ROBO2: variants seen among roughly 807,000 people sequenced by gnomAD.
The protein encoded by ROBO2 is roundabout guidance receptor 2, also known as roundabout homolog 2.
Under a neutral mutation model 160.8 loss-of-function variants are expected in ROBO2, and 53 were observed. The observed-to-expected ratio is 0.33, with a 90% CI of 0.26 to 0.41. ROBO2 has a LOEUF of 0.41. ROBO2 is among the 10% of genes least tolerant of loss of function. The pLI, the probability that ROBO2 is intolerant of heterozygous loss-of-function variation, is 1.00. For synonymous variants in ROBO2, 664 were observed against 611.7 expected, an observed-to-expected ratio of 1.09 and a Z score of -1.26; for missense variants, 1,577 against 1,722.4, an observed-to-expected ratio of 0.92 and a Z score of 1.49.
intron 2 of ROBO2, among the ~76,000 whole-genome samples, chr3:76,048,036 T>C (rs2067508282): frequency 6.6e-6 from 1 of 152,228 alleles, no homozygotes; most frequent in Non-Finnish European, 1.5e-5. Flanking sequence ...CTTTATTGAA[T>C]GTCTGCTTGA....
At chr3:76,929,794 T>A (rs1298038694) in intron 2 of ROBO2, among the ~76,000 whole-genome samples, 3 of 151,936 alleles carry the variant, frequency 2.0e-5, no homozygotes, top group African/African-American at 7.3e-5. Flanking sequence ...TGTGTGTGGA[T>A]CTCAGAGAAG....
chr3:77,214,395 T>C (rs1260890016), intron 2 of ROBO2, among the ~76,000 whole-genome samples: 2 of 152,212 alleles, frequency 1.3e-5, no homozygotes, highest in East Asian at 3.9e-4. Flanking sequence ...GAGACTAGGA[T>C]TGCAACCCCT....
At position 77,055,002 on chromosome 3, in the gene ROBO2, CATA is replaced by C. The variant is rs1187603491; in HGVS notation, c.61+14161_61+14163del. ...TCATCAGTAATGAGATTAGAGCCCT[CATA>C]ATAAAGTCCCTACATGTTAATTGTG... is the stretch of plus-strand genomic sequence containing the variant. On this transcript the variant is annotated intron_variant, in intron 1 of 25. Transcript: ENST00000461745. 2.0e-5 allele frequency among the ~76,000 whole-genome samples: 3 copies of C among 150,374 alleles called. No homozygotes were observed. The East Asian group carries it at 6.0e-4, about 30-fold the overall frequency.
chr3:77,318,214 A>G (rs2064272393), intron 2 of ROBO2, among the ~76,000 whole-genome samples: 3 of 151,718 alleles, frequency 2.0e-5, no homozygotes, highest in Admixed American at 2.0e-4. Context: ...TTGTATTTTT[A>G]GTAGAGATGG....
chr3:77,405,251 CTGA>C (rs2076164580), intron 2 of ROBO2, among the ~76,000 whole-genome samples: 2 of 152,012 alleles, frequency 1.3e-5, no homozygotes. Context: ...GAATGTTGCA[CTGA>C]TATTTACTTA....
chr3:75,967,487 C>G (rs12493384), intron 2 of ROBO2, among the ~76,000 whole-genome samples: 18,001 of 151,376 alleles, frequency 0.12, 1,239 homozygotes, highest in Non-Finnish European at 0.15. Flanking sequence ...AGGGGTATAA[C>G]CACATACTAC....
intron 2 of ROBO2, among the ~76,000 whole-genome samples, chr3:77,033,316 T>C (rs576059158): frequency 1.3e-5 from 2 of 152,324 alleles, no homozygotes; most frequent in Non-Finnish European, 2.9e-5. Context: ...AATATTTTCC[T>C]GATGACAAGT....
intron 2 of ROBO2, among the ~76,000 whole-genome samples, chr3:76,028,771 A>G (rs1303351386): frequency 6.6e-6 from 1 of 151,982 alleles, no homozygotes; most frequent in Non-Finnish European, 1.5e-5. Flanking sequence ...TCTTAATAAC[A>G]TAAGCTACTG....
intron 2 of ROBO2, among the ~76,000 whole-genome samples, chr3:77,245,322 A>C (rs2089598784): frequency 6.6e-6 from 1 of 152,216 alleles, no homozygotes; most frequent in African/African-American, 2.4e-5. Context: ...GCATTGCTAC[A>C]TCATCTGTTC....
At chr3:76,533,527 G>A (rs935814437) in intron 2 of ROBO2, among the ~76,000 whole-genome samples, 4 of 152,108 alleles carry the variant, frequency 2.6e-5, no homozygotes, top group East Asian at 1.9e-4. Flanking sequence ...TATATCATCC[G>A]GGCATAAGCA....
intron 2 of ROBO2, among the ~76,000 whole-genome samples, chr3:77,104,927 G>C (rs4615118): frequency 0.55 from 83,720 of 151,900 alleles, 23,283 homozygotes; most frequent in African/African-American, 0.61. Flanking sequence ...ACTGTTTTCA[G>C]TTTGGTCCCA....
intron 2 of ROBO2, among the ~76,000 whole-genome samples, chr3:76,463,425 A>T (rs922680933): frequency 1.3e-5 from 2 of 152,096 alleles, no homozygotes; most frequent in Non-Finnish European, 2.9e-5. Flanking sequence ...AGCTAATCCT[A>T]GGTTCACAAT....
rs1340314195 is a variant in ROBO2, at chr3:77,156,676, T to C, written c.388+58336T>C. Among the ~76,000 whole-genome samples the C allele has an allele frequency of 1.3e-5, 2 of 151,474 alleles. 1 individual carries two copies. Among genetic ancestry groups the C allele is most frequent in the African/African-American group, 4.8e-5 (2 of 41,360 alleles). ...CTTTAGTAAAATAGTAAATAAAATA[T>C]ACTTCATTTAATTTTAACAAATTTC... On this transcript the variant is annotated intron_variant, in intron 2 of 25. Transcript: ENST00000461745.
At chr3:76,517,477 A>G (rs2081397957) in intron 2 of ROBO2, among the ~76,000 whole-genome samples, 2 of 152,174 alleles carry the variant, frequency 1.3e-5, no homozygotes, top group South Asian at 4.1e-4. Context: ...TTGAGGCCTT[A>G]GAGAAGTTAA....
intron 2 of ROBO2, among the ~76,000 whole-genome samples, chr3:77,140,939 C>A (rs908507377): frequency 2.6e-5 from 4 of 152,070 alleles, no homozygotes; most frequent in Non-Finnish European, 4.4e-5. Context: ...TTGTTTAAAT[C>A]AAAATTTTTA....
chr3:76,382,299 A>G (rs770390790), intron 2 of ROBO2, among the ~76,000 whole-genome samples: 2 of 152,056 alleles, frequency 1.3e-5, no homozygotes, highest in Non-Finnish European at 2.9e-5. Flanking sequence ...TATTGGTTAA[A>G]GCTTCTTGGC....
intron 2 of ROBO2, among the ~76,000 whole-genome samples, chr3:76,818,360 A>T (rs991400536): frequency 1.3e-5 from 2 of 149,814 alleles, no homozygotes; most frequent in East Asian, 4.0e-4. Flanking sequence ...TTTCTTGATG[A>T]TTTGTTTGTG....
At chr3:77,642,352 G>A (rs534054256) in intron 24 of ROBO2, among the ~76,000 whole-genome samples, 20 of 152,152 alleles carry the variant, frequency 1.3e-4, no homozygotes, top group African/African-American at 4.1e-4. Context: ...GGGGAAGGAG[G>A]GTTGGACAAT....
intron 2 of ROBO2, among the ~76,000 whole-genome samples, chr3:76,377,072 G>A (rs1181824143): frequency 1.3e-5 from 2 of 152,110 alleles, no homozygotes; most frequent in African/African-American, 4.8e-5. Flanking sequence ...CCCGGGTTGG[G>A]CTGGTCCTGT....
Sources: allele counts gnomAD v4.1 joint callset (sites outside exome capture counted in the v4.1 genomes callset), GRCh38; gene constraint gnomAD v4.1.1; transcripts MANE v1.5; gene names NCBI Gene and HGNC (gene_info 2026-07-23, HGNC 2026-07-21).